PCDHGA2: variants seen among roughly 807,000 people sequenced by gnomAD.
The protein encoded by PCDHGA2 is protocadherin gamma-A2.
Under a neutral mutation model 59.2 loss-of-function variants are expected in PCDHGA2, and 40 were observed. The ratio of observed to expected loss-of-function variants is 0.68; its 90% CI spans 0.52 to 0.88. PCDHGA2 has a LOEUF of 0.88. PCDHGA2 is among the 40% of genes least tolerant of loss of function. The pLI is 0.00. For missense variants in PCDHGA2, 1,226 were observed against 1,204.0 expected (o/e 1.02, Z -0.27); for synonymous variants, 560 against 526.0 (o/e 1.06, Z -0.89).
At chr5:141,355,148 A>G in intron 1 of PCDHGA2, 1 of 1,533,998 alleles carries the variant, frequency 6.5e-7, no homozygotes, top group Non-Finnish European at 8.7e-7. Context: ...GGGGCTCCTC[A>G]GGCCTCGACA....
At chr5:141,392,627 G>C (rs4151699) in intron 1 of PCDHGA2, 43,187 of 584,208 alleles carry the variant, frequency 0.074, 2,003 homozygotes, top group Non-Finnish European at 0.093. Flanking sequence ...AAAACACTCA[G>C]ATCTCACACC....
At chr5:141,435,214 A>T (rs1314928643) in intron 1 of PCDHGA2, among the ~76,000 whole-genome samples, 1 of 152,176 alleles carries the variant, frequency 6.6e-6, no homozygotes, top group Non-Finnish European at 1.5e-5. Context: ...AAGTGAATTT[A>T]CTTTCTTTCA....
At chr5:141,410,340 T>G in intron 1 of PCDHGA2, 1 of 1,614,068 alleles carries the variant, frequency 6.2e-7, no homozygotes, top group Non-Finnish European at 8.5e-7. Flanking sequence ...GCCATTGCCT[T>G]GCGCCTGCGA....
intron 1 of PCDHGA2, chr5:141,365,800 C>T: frequency 2.5e-6 from 4 of 1,613,914 alleles, no homozygotes; most frequent in South Asian, 2.2e-5. Flanking sequence ...TCACCTACTC[C>T]CTGGCTGAAG....
chr5:141,361,403 C>T (rs376882541), intron 1 of PCDHGA2: 1 of 1,614,050 alleles, frequency 6.2e-7, no homozygotes, highest in Non-Finnish European at 8.5e-7. Context: ...CTCACCATCA[C>T]AGCCACCGAC....
At chr5:141,390,217 T>C (rs373008153) in intron 1 of PCDHGA2, 21 of 1,613,944 alleles carry the variant, frequency 1.3e-5, no homozygotes, top group Non-Finnish European at 1.8e-5. Flanking sequence ...CAAGACATAC[T>C]TTGCGGTGAT....
In PCDHGA2 at chr5:141,405,105, A is replaced by T. The variant is rs1239308721; in HGVS notation, c.2424+63710A>T. The T allele has an allele frequency of 5.6e-6, 9 of 1,613,756 alleles. No individual in the cohort carries two copies. In the Admixed American group the frequency reaches 1.5e-4, roughly 27 times the overall value. Reference sequence around the variant, plus strand: ...ACGCTGCTGGCCCTCAGGCTGAGGCACTGGCACTCCTCGCATCTGCTGCGG... The same window carrying T: ...ACGCTGCTGGCCCTCAGGCTGAGGCTCTGGCACTCCTCGCATCTGCTGCGG... On this transcript the variant is annotated intron_variant, in intron 1 of 3. Coordinates refer to ENST00000394576, the MANE Select transcript of PCDHGA2 (RefSeq NM_018915.4).
At chr5:141,428,020 C>T (rs1443722620) in intron 1 of PCDHGA2, 1 of 1,605,408 alleles carries the variant, frequency 6.2e-7, no homozygotes, top group Admixed American at 1.7e-5. Context: ...GTGCCACGCG[C>T]CGCAGAGTCC....
chr5:141,403,006 G>C (rs536630249), intron 1 of PCDHGA2: 3 of 1,613,888 alleles, frequency 1.9e-6, no homozygotes, highest in Non-Finnish European at 2.5e-6. Context: ...TGCTATGCTC[G>C]CTCCTGGGGA....
chr5:141,430,657 A>G (rs2097300740), intron 1 of PCDHGA2: 1 of 1,093,240 alleles, frequency 9.1e-7, no homozygotes, highest in African/African-American at 1.6e-5. Flanking sequence ...GAAACAACGG[A>G]GGAGCTCTGA....
chr5:141,457,273 G>A (rs746102734), intron 1 of PCDHGA2, among the ~76,000 whole-genome samples: 7 of 152,144 alleles, frequency 4.6e-5, no homozygotes, highest in Admixed American at 1.3e-4. Context: ...CCCTCTGTGG[G>A]CCTACGAAGT....
At chr5:141,355,739 T>C in intron 1 of PCDHGA2, 1 of 1,613,992 alleles carries the variant, frequency 6.2e-7, no homozygotes, top group Non-Finnish European at 8.5e-7. Flanking sequence ...TACTTTTCCC[T>C]GGACGTGCAA....
intron 1 of PCDHGA2, chr5:141,419,095 G>A (rs1478382101): frequency 1.2e-6 from 2 of 1,613,816 alleles, no homozygotes; most frequent in African/African-American, 2.7e-5. Context: ...CCCTGGATCG[G>A]GAGCAGACCC....
rs1008664105 is a variant in PCDHGA2, at chr5:141,432,402, T to C, written c.2425-62405T>C. 6.2e-7 allele frequency: 1 copy of C among 1,614,194 alleles called. No homozygotes were observed. The highest frequency in any genetic ancestry group is 1.1e-5 in the South Asian group (1 of 91,082). On this transcript the variant is annotated intron_variant, in intron 1 of 3. Transcript: ENST00000394576. The surrounding 1 kb of genome is among the most constrained non-coding windows in gnomAD (Gnocchi z 6.0). ...CCGCCCCTCAGCAGCAACGTGTCGT[T>C]GAGCCTGTTCGTGCTGGACCAGAAC...
intron 1 of PCDHGA2, chr5:141,364,657 G>C: frequency 6.2e-7 from 1 of 1,614,034 alleles, no homozygotes; most frequent in South Asian, 1.1e-5. Context: ...TTAACATCTT[G>C]GTTGAGAACA....
intron 1 of PCDHGA2, chr5:141,366,385 G>A: frequency 3.1e-6 from 5 of 1,614,150 alleles, no homozygotes; most frequent in Non-Finnish European, 4.2e-6. Flanking sequence ...TTGACCCTGA[G>A]GATCTGGACC....
chr5:141,457,416 C>T (rs1378171092), intron 1 of PCDHGA2, among the ~76,000 whole-genome samples: 1 of 152,172 alleles, frequency 6.6e-6, no homozygotes, highest in Non-Finnish European at 1.5e-5. Flanking sequence ...ATTACCCATC[C>T]CTTTTTCCCC....
At chr5:141,374,737 C>A in intron 1 of PCDHGA2, 2 of 1,610,672 alleles carry the variant, frequency 1.2e-6, no homozygotes, top group Non-Finnish European at 1.7e-6. Context: ...TGGATGGCGG[C>A]GACCCTGTCC....
intron 1 of PCDHGA2, chr5:141,403,227 G>C (rs2094378929): frequency 1.2e-6 from 2 of 1,608,848 alleles, no homozygotes; most frequent in African/African-American, 1.3e-5. Context: ...AGGATAGACC[G>C]GGAGGAGCTC....
Sources: allele counts gnomAD v4.1 joint callset (sites outside exome capture counted in the v4.1 genomes callset), GRCh38; gene constraint gnomAD v4.1.1; non-coding constraint Gnocchi (gnomAD v3.1); transcripts MANE v1.5; gene names NCBI Gene and HGNC (gene_info 2026-07-23, HGNC 2026-07-21).